The following CFTR variants were observed in gnomAD, a reference collection of about 807,000 sequenced individuals.
CFTR encodes the protein cystic fibrosis transmembrane conductance regulator.
A neutral mutation model predicts 171.6 loss-of-function variants in CFTR; 181 were observed. That is an observed-to-expected ratio of 1.05 (90% CI 0.93 to 1.19). CFTR has a LOEUF of 1.19. CFTR is among the 50% of genes most tolerant of loss of function. CFTR has a pLI of 0.00. For synonymous variants in CFTR, 583 were observed against 608.0 expected, an observed-to-expected ratio of 0.96 and a Z score of 0.60; for missense variants, 1,968 against 1,734.7, an observed-to-expected ratio of 1.13 and a Z score of -2.39.
chr7:117,602,239 T>C (rs929265761), intron 15 of CFTR, among the ~76,000 whole-genome samples: 14 of 152,234 alleles, frequency 9.2e-5, no homozygotes, highest in African/African-American at 1.2e-4. Flanking sequence ...TTTTGCCACA[T>C]TGGCCAGGCT....
chr7:117,515,368 A>G (rs1430795075), intron 3 of CFTR, among the ~76,000 whole-genome samples: 1 of 152,072 alleles, frequency 6.6e-6, no homozygotes, highest in Non-Finnish European at 1.5e-5. Context: ...TTTATGCATA[A>G]TGGCTAGGCA....
rs78371299 is a variant in CFTR, at chr7:117,650,204, C to T, written c.3874-2638C>T. ...AGTGAATTGCTTTGATTGCTGAATGCGAATGGATGGGTAGAGATGCAAGAG... is the reference window on the plus strand; with the variant it reads ...AGTGAATTGCTTTGATTGCTGAATGTGAATGGATGGGTAGAGATGCAAGAG... On this transcript the variant is annotated intron_variant, in intron 23 of 26. Coordinates refer to ENST00000003084, the MANE Select transcript of CFTR (RefSeq NM_000492.4). 1.9e-3 allele frequency among the ~76,000 whole-genome samples: 286 copies of T among 152,090 alleles called. 1 individual carries two copies. The highest frequency in any genetic ancestry group is 6.8e-3 in the Middle Eastern group (2 of 294).
At chr7:117,603,316 T>A (rs1488035172) in intron 16 of CFTR, among the ~76,000 whole-genome samples, 3 of 152,220 alleles carry the variant, frequency 2.0e-5, no homozygotes, top group African/African-American at 7.2e-5. Flanking sequence ...TTCTTCAAAT[T>A]TTTTAATTTA....
Position 117,603,657 on chromosome 7 carries a change from C to T in CFTR, c.2783C>T (p.Ala928Val). The T allele has an allele frequency of 6.2e-7, 1 of 1,614,064 alleles. No homozygotes were observed. The highest frequency in any genetic ancestry group is 8.5e-7 in the Non-Finnish European group (1 of 1,179,956). ...IYVGVADTLL[A>V]MGFFRGLPLV... ...GTGGGAGTAGCCGACACTTTGCTTG[C>T]TATGGGATTCTTCAGAGGTCTACCA... Residue 928 changes from alanine to valine, a missense_variant, in exon 17 of 27, where the codon GCT becomes GTT. Transcript: ENST00000003084.
chr7:117,539,114 C>CT (rs1698013472), intron 7 of CFTR, among the ~76,000 whole-genome samples: 1 of 152,096 alleles, frequency 6.6e-6, no homozygotes, highest in Non-Finnish European at 1.5e-5. Flanking sequence ...CCTGGTTGAC[C>CT]TTTCCTTGGG....
intron 10 of CFTR, among the ~76,000 whole-genome samples, chr7:117,558,770 T>C (rs1222100035): frequency 6.6e-6 from 1 of 152,154 alleles, no homozygotes; most frequent in African/African-American, 2.4e-5. Flanking sequence ...AATCAGCAAA[T>C]TTCCTTTACA....
chr7:117,529,710 G>A (rs1798827789), intron 3 of CFTR, among the ~76,000 whole-genome samples: 1 of 152,056 alleles, frequency 6.6e-6, no homozygotes, highest in Non-Finnish European at 1.5e-5. Flanking sequence ...CATCTATTGA[G>A]AATGATGGGG....
Position 117,642,500 on chromosome 7 carries a change from A to C in CFTR, c.3780A>C (p.Leu1260=), listed in dbSNP as rs112339787. ...CTTTGTTATCAGCTTTTTTGAGACTACTGAACACTGAAGGAGAAATCCAGA... is the reference window on the plus strand; with the variant it reads ...CTTTGTTATCAGCTTTTTTGAGACTCCTGAACACTGAAGGAGAAATCCAGA... ...KSTLLSAFLR[L]LNTEGEIQID... is the part of the protein sequence containing the mutation. The change falls in exon 23 of 27, where the codon CTA becomes CTC. Residue 1260 remains leucine (L), a synonymous_variant. Coordinates refer to ENST00000003084, the MANE Select transcript of CFTR (RefSeq NM_000492.4). 6.2e-7 allele frequency: 1 copy of C among 1,613,710 alleles called. No individual in the cohort carries two copies. Among genetic ancestry groups the C allele is most frequent in the African/African-American group, 1.3e-5 (1 of 75,024 alleles).
chr7:117,521,833 A>AT (rs1798690312), intron 3 of CFTR, among the ~76,000 whole-genome samples: 1 of 152,108 alleles, frequency 6.6e-6, no homozygotes, highest in Admixed American at 6.5e-5. Flanking sequence ...TCAGGTTTCT[A>AT]TTTTTTTCAC....
intron 6 of CFTR, 94 bp downstream of exon 6, chr7:117,535,505 G>GTCC: frequency 2.3e-6 from 2 of 860,554 alleles, no homozygotes; most frequent in Non-Finnish European, 3.7e-6. Flanking sequence ...GCATAGAACA[G>GTCC]TGATCTTCAG....
chr7:117,638,486 A>C (rs2116155782), intron 22 of CFTR, among the ~76,000 whole-genome samples: 1 of 152,228 alleles, frequency 6.6e-6, no homozygotes, highest in African/African-American at 2.4e-5. Context: ...CTGTAATTCC[A>C]GCACTTTGGG....
At chr7:117,532,759 T>G (rs1470353298) in intron 4 of CFTR, among the ~76,000 whole-genome samples, 3 of 152,192 alleles carry the variant, frequency 2.0e-5, no homozygotes, top group African/African-American at 7.2e-5. Flanking sequence ...TGCATATCTG[T>G]GTTCTTGCCC....
intron 22 of CFTR, among the ~76,000 whole-genome samples, chr7:117,640,021 C>A (rs926779632): frequency 2.6e-5 from 4 of 152,094 alleles, no homozygotes; most frequent in Non-Finnish European, 5.9e-5. Context: ...ACAGCTAGCA[C>A]CAAATTCAAC....
At chr7:117,506,131 A>G (rs190603652) in intron 2 of CFTR, among the ~76,000 whole-genome samples, 3 of 152,358 alleles carry the variant, frequency 2.0e-5, no homozygotes, top group Non-Finnish European at 2.9e-5. Flanking sequence ...GGCTAGCATT[A>G]CATAGAAACC....
At chr7:117,571,330 T>C (rs1345247185) in intron 11 of CFTR, among the ~76,000 whole-genome samples, 2 of 152,178 alleles carry the variant, frequency 1.3e-5, no homozygotes, top group African/African-American at 4.8e-5. Flanking sequence ...AGCACAATAA[T>C]ATAGCAGTGA....
intron 4 of CFTR, 39 bp from the exon 5 acceptor site, chr7:117,534,237 T>C: frequency 1.1e-6 from 1 of 930,590 alleles, no homozygotes; most frequent in Non-Finnish European, 1.8e-6. Flanking sequence ...ATTTGTATTT[T>C]GTTTGTTGAA....
chr7:117,600,479 A>G (rs1792206873), intron 15 of CFTR, among the ~76,000 whole-genome samples: 1 of 152,004 alleles, frequency 6.6e-6, no homozygotes. Context: ...TATGTCATAG[A>G]ACTGCTGTAT....
intron 11 of CFTR, among the ~76,000 whole-genome samples, chr7:117,561,299 G>A (rs573231837): frequency 6.8e-6 from 1 of 147,430 alleles, no homozygotes; most frequent in Admixed American, 6.8e-5. Context: ...AAGGAGAAGA[G>A]GAAGAACATC....
At chr7:117,536,295 A>AC (rs1798954203) in intron 6 of CFTR, among the ~76,000 whole-genome samples, 1 of 152,176 alleles carries the variant, frequency 6.6e-6, no homozygotes, top group Non-Finnish European at 1.5e-5. Flanking sequence ...TCTCTAAAAT[A>AC]GAGATACCCA....
Sources: gnomAD v4.1 joint callset for allele counts (sites outside exome capture counted in the v4.1 genomes callset) on GRCh38, gnomAD v4.1.1 for gene constraint, MANE v1.5 for transcripts, NCBI Gene and HGNC (gene_info 2026-07-23, HGNC 2026-07-21) for gene names.